The following PGM5 variants were observed in gnomAD, a reference collection of about 807,000 sequenced individuals.
PGM5 encodes phosphoglucomutase 5.
Under a neutral mutation model 59.2 loss-of-function variants are expected in PGM5, and 23 were observed. The observed-to-expected ratio is 0.39, with a 90% confidence interval of 0.28 to 0.55. The LOEUF (loss-of-function observed/expected upper bound fraction) is 0.55, where lower values mean the gene tolerates loss of function less well. Ranked by LOEUF, PGM5 falls within the 20% of genes least tolerant of loss-of-function variation. The pLI, the probability that PGM5 is intolerant of heterozygous loss-of-function variation, is 0.66. For missense variants in PGM5, 574 were observed against 748.3 expected (o/e 0.77, Z 2.72); for synonymous variants, 214 against 286.0 (o/e 0.75, Z 2.54).
At chr9:68,446,564 T>A (rs1400313552) in intron 6 of PGM5, among the ~76,000 whole-genome samples, 1 of 152,244 alleles carries the variant, frequency 6.6e-6, no homozygotes, top group Non-Finnish European at 1.5e-5. Context: ...GTGCTGTGCG[T>A]GTCTCTGTGT....
chr9:68,482,502 A>G (rs1360757328), intron 8 of PGM5, among the ~76,000 whole-genome samples: 1 of 152,150 alleles, frequency 6.6e-6, no homozygotes, highest in Non-Finnish European at 1.5e-5. Flanking sequence ...ATTATTCCAT[A>G]TTTTGCATCT....
At chr9:68,364,509 G>A (rs1554676529) in intron 1 of PGM5, among the ~76,000 whole-genome samples, 1 of 152,172 alleles carries the variant, frequency 6.6e-6, no homozygotes, top group Admixed American at 6.5e-5. Flanking sequence ...ATTTTCTACT[G>A]GAGTTCACTA....
chr9:68,519,896 A>AAAATAAATAAAT, intron 10 of PGM5, among the ~76,000 whole-genome samples: 1 of 108,772 alleles, frequency 9.2e-6, no homozygotes, highest in Non-Finnish European at 1.8e-5. Context: ...CCTTGTCTTT[A>AAAATAAATAAAT]CAATAAATAA....
chr9:68,408,229 A>C (rs1254052940), intron 6 of PGM5, among the ~76,000 whole-genome samples: 1 of 152,180 alleles, frequency 6.6e-6, no homozygotes, highest in African/African-American at 2.4e-5. Flanking sequence ...TTAAAGAGGA[A>C]ATTTCCATCA....
chr9:68,473,804 TC>T (rs1554686438), intron 7 of PGM5, among the ~76,000 whole-genome samples: 1 of 152,064 alleles, frequency 6.6e-6, no homozygotes, highest in Non-Finnish European at 1.5e-5. Flanking sequence ...AGTTGGTCAC[TC>T]CAAAGCTGGC....
chr9:68,467,632 G>A (rs1554685926), intron 7 of PGM5, among the ~76,000 whole-genome samples: 2 of 152,126 alleles, frequency 1.3e-5, no homozygotes, highest in African/African-American at 4.8e-5. Context: ...ATCTTACACT[G>A]TAATTGGCTG....
intron 10 of PGM5, among the ~76,000 whole-genome samples, chr9:68,525,368 G>T (rs1824955333): frequency 6.6e-6 from 1 of 152,076 alleles, no homozygotes; most frequent in Admixed American, 6.6e-5. Context: ...TCATCATGTG[G>T]CCACTCATTC....
At chr9:68,466,316 T>C in intron 7 of PGM5, 1 of 543,916 alleles carries the variant, frequency 1.8e-6, no homozygotes, top group Non-Finnish European at 2.6e-6. Context: ...TTTAAAATAG[T>C]TTTTAGTTCT....
chr9:68,515,028 G>A (rs1824804785), intron 10 of PGM5, among the ~76,000 whole-genome samples: 1 of 152,158 alleles, frequency 6.6e-6, no homozygotes, highest in Non-Finnish European at 1.5e-5. Flanking sequence ...AAATAACAGT[G>A]GATGAGGTAA....
At chr9:68,390,270 C>A (rs1455965271) in intron 4 of PGM5, among the ~76,000 whole-genome samples, 2 of 152,132 alleles carry the variant, frequency 1.3e-5, no homozygotes, top group Non-Finnish European at 2.9e-5. Flanking sequence ...CATTATCTGG[C>A]CTACAGGGAA....
chr9:68,473,812 T>G (rs1824059208), intron 7 of PGM5, among the ~76,000 whole-genome samples: 1 of 152,154 alleles, frequency 6.6e-6, no homozygotes. Context: ...ACTCCAAAGC[T>G]GGCAAAGTCC....
chr9:68,472,376 T>C (rs534759134), intron 7 of PGM5, among the ~76,000 whole-genome samples: 5 of 151,470 alleles, frequency 3.3e-5, no homozygotes, highest in Non-Finnish European at 7.4e-5. Flanking sequence ...TTCTTTTGGA[T>C]GAAGGTAGAA....
intron 6 of PGM5, among the ~76,000 whole-genome samples, chr9:68,410,581 A>G (rs1162256369): frequency 6.6e-6 from 1 of 151,902 alleles, no homozygotes; most frequent in Non-Finnish European, 1.5e-5. Context: ...GAGGAGGAGG[A>G]GAGGAGGAAT....
At chr9:68,440,591 C>A (rs535023308) in intron 6 of PGM5, among the ~76,000 whole-genome samples, 1 of 152,036 alleles carries the variant, frequency 6.6e-6, no homozygotes, top group South Asian at 2.1e-4. Flanking sequence ...TCAAATGATT[C>A]TTTGAACTAA....
chr9:68,452,643 C>A (rs1414888496), intron 6 of PGM5, among the ~76,000 whole-genome samples: 4 of 152,184 alleles, frequency 2.6e-5, no homozygotes, highest in African/African-American at 9.7e-5. Flanking sequence ...AACCCCAGAA[C>A]AAGACTGCTC....
intron 6 of PGM5, chr9:68,397,076 C>T (rs1554680052): frequency 6.5e-6 from 1 of 152,698 alleles, no homozygotes; most frequent in Non-Finnish European, 1.5e-5. Context: ...TTCCATTTAG[C>T]CCAGAATAAT....
At chr9:68,420,004 T>C (rs1314152266) in intron 6 of PGM5, among the ~76,000 whole-genome samples, 2 of 152,190 alleles carry the variant, frequency 1.3e-5, no homozygotes, top group African/African-American at 4.8e-5. Context: ...TTCAAGTGCA[T>C]GGAAAATGTC....
At chr9:68,487,463 T>TACACACACACACACACAC (rs67566624) in intron 9 of PGM5, among the ~76,000 whole-genome samples, 1 of 141,784 alleles carries the variant, frequency 7.1e-6, no homozygotes, top group African/African-American at 2.6e-5. Flanking sequence ...CACACGCACA[T>TACACACACACACACACAC]ACACACACAC....
At chr9:68,493,337 C>G (rs1285202579) in intron 9 of PGM5, among the ~76,000 whole-genome samples, 1 of 152,316 alleles carries the variant, frequency 6.6e-6, no homozygotes, top group African/African-American at 2.4e-5. Context: ...GATACCTACT[C>G]TACATAAGGC....
Sources: allele counts gnomAD v4.1 joint callset (sites outside exome capture counted in the v4.1 genomes callset), GRCh38; gene constraint gnomAD v4.1.1; transcripts MANE v1.5; gene names NCBI Gene and HGNC (gene_info 2026-07-23, HGNC 2026-07-21).